The following ASIC2 variants were observed in gnomAD, a reference collection of about 807,000 sequenced individuals.
ASIC2 encodes the protein acid-sensing ion channel 2.
A neutral mutation model predicts 57.3 loss-of-function variants in ASIC2; 25 were observed. The observed-to-expected ratio is 0.44, with a 90% CI of 0.32 to 0.61. The LOEUF is 0.61. Among genes scored for constraint, ASIC2 ranks in the 20% least tolerant of loss-of-function variants. The probability of loss-of-function intolerance (pLI) is 0.06; values close to 1 mark genes in which losing one functional copy is unlikely to be tolerated. For synonymous variants in ASIC2, 319 were observed against 307.5 expected (o/e 1.04, Z -0.39); for missense variants, 641 against 738.1 (o/e 0.87, Z 1.52).
At chr17:33,576,612 C>T (rs898763832) in intron 1 of ASIC2, among the ~76,000 whole-genome samples, 4 of 152,190 alleles carry the variant, frequency 2.6e-5, no homozygotes, top group Non-Finnish European at 4.4e-5. Flanking sequence ...GGAATGATAC[C>T]AGTACCTACC....
intron 1 of ASIC2, among the ~76,000 whole-genome samples, chr17:33,724,090 T>C (rs1002613375): frequency 2.0e-5 from 3 of 152,132 alleles, no homozygotes; most frequent in Admixed American, 2.0e-4. Context: ...GTTCTCATGA[T>C]AGTGAATAAG....
At chr17:33,794,165 G>A (rs184129414) in intron 1 of ASIC2, 1 of 152,312 alleles carries the variant, frequency 6.6e-6, no homozygotes, top group Non-Finnish European at 1.5e-5. Context: ...AAAGTGCAGT[G>A]TCCTGAGTGA....
At chr17:33,032,434 T>C (rs1404913686) in intron 3 of ASIC2, among the ~76,000 whole-genome samples, 1 of 135,692 alleles carries the variant, frequency 7.4e-6, no homozygotes, top group Non-Finnish European at 1.5e-5. Context: ...AGCACTATAA[T>C]ACACTGTTTT....
intron 1 of ASIC2, among the ~76,000 whole-genome samples, chr17:33,307,279 T>TCCTCCTCCTCTTC (rs773713086): frequency 2.3e-4 from 8 of 35,414 alleles, no homozygotes; most frequent in African/African-American, 3.8e-4. Context: ...TCCTCTTCCT[T>TCCTCCTCCTCTTC]CTTCTTCTTC....
intron 1 of ASIC2, among the ~76,000 whole-genome samples, chr17:33,361,466 T>C (rs759383391): frequency 1.2e-4 from 18 of 152,160 alleles, no homozygotes; most frequent in African/African-American, 2.9e-4. Context: ...GTTAGCTCCA[T>C]TGGTACACAG....
chr17:33,967,955 C>T lies in ASIC2; in HGVS notation c.555+188023G>A, dbSNP rs184625504. Among the ~76,000 whole-genome samples, 4 of 152,294 alleles carry T rather than the reference C, an allele frequency of 2.6e-5. No individual in the cohort carries two copies. In the East Asian group the frequency reaches 7.7e-4, roughly 29 times the overall value. On this transcript the variant is annotated intron_variant, in intron 1 of 9. Transcript: ENST00000359872. The stretch of plus-strand genomic sequence containing the variant: ...CGGGGCCTCACATTGTCATTCTGTT[C>T]AGGGCCCTGCAAACTATGTAGCCAG...
intron 1 of ASIC2, among the ~76,000 whole-genome samples, chr17:33,527,319 T>C (rs1914914297): frequency 6.6e-6 from 1 of 152,160 alleles, no homozygotes; most frequent in Non-Finnish European, 1.5e-5. Context: ...AGCTAAAGGC[T>C]TTATGTTCCA....
intron 1 of ASIC2, among the ~76,000 whole-genome samples, chr17:33,537,606 A>G (rs1915273610): frequency 1.3e-5 from 2 of 152,202 alleles, no homozygotes; most frequent in African/African-American, 2.4e-5. Flanking sequence ...CTGATCTTCA[A>G]TATGACATGA....
At chr17:33,281,293 C>T (rs1204025590) in intron 1 of ASIC2, among the ~76,000 whole-genome samples, 1 of 152,104 alleles carries the variant, frequency 6.6e-6, no homozygotes, top group Non-Finnish European at 1.5e-5. Context: ...ATACAGAAGG[C>T]CATTGAAGTC....
intron 1 of ASIC2, among the ~76,000 whole-genome samples, chr17:33,309,022 A>G (rs776131852): frequency 1.3e-5 from 2 of 152,200 alleles, no homozygotes; most frequent in Non-Finnish European, 2.9e-5. Flanking sequence ...CACTGCAACT[A>G]GGGATAATGA....
intron 1 of ASIC2, among the ~76,000 whole-genome samples, chr17:34,126,721 GA>G (rs1309448368): frequency 6.6e-6 from 1 of 152,306 alleles, no homozygotes; most frequent in Non-Finnish European, 1.5e-5. Flanking sequence ...ACAGGCAGGG[GA>G]TGGAGGTGGA....
chr17:33,030,553 T>C (rs1203293381), intron 3 of ASIC2, among the ~76,000 whole-genome samples: 3 of 152,156 alleles, frequency 2.0e-5, no homozygotes, highest in Non-Finnish European at 2.9e-5. Flanking sequence ...AACTCCAGTA[T>C]CATGTTGGAA....
At chr17:33,174,182 G>A (rs1242561589) in intron 1 of ASIC2, among the ~76,000 whole-genome samples, 1 of 152,118 alleles carries the variant, frequency 6.6e-6, no homozygotes, top group African/African-American at 2.4e-5. Flanking sequence ...AGCACTTTGC[G>A]AGGCCAAGGC....
At chr17:33,558,732 T>C (rs541095196) in intron 1 of ASIC2, among the ~76,000 whole-genome samples, 1 of 152,260 alleles carries the variant, frequency 6.6e-6, no homozygotes, top group African/African-American at 2.4e-5. Flanking sequence ...ACTTTGCTTA[T>C]AAACATTGGT....
chr17:33,293,629 T>G (rs12051712), upstream of ASIC2, among the ~76,000 whole-genome samples: 15,492 of 152,180 alleles, frequency 0.1, 883 homozygotes, highest in East Asian at 0.28. Context: ...CTGTGTAGTG[T>G]GGGCATTTGA....
intron 1 of ASIC2, among the ~76,000 whole-genome samples, chr17:34,106,326 T>C (rs1911054058): frequency 6.6e-6 from 1 of 152,154 alleles, no homozygotes; most frequent in Non-Finnish European, 1.5e-5. Flanking sequence ...AGTCAGTATA[T>C]GAAGTATCTT....
intron 1 of ASIC2, among the ~76,000 whole-genome samples, chr17:33,687,119 T>C (rs139694313): frequency 8.3e-4 from 127 of 152,300 alleles, no homozygotes; most frequent in African/African-American, 2.8e-3. Flanking sequence ...ACAAGAGGAA[T>C]GCTTTCTTCA....
intron 1 of ASIC2, among the ~76,000 whole-genome samples, chr17:33,846,213 T>C (rs893065203): frequency 1.3e-5 from 2 of 152,136 alleles, no homozygotes; most frequent in Admixed American, 6.5e-5. Context: ...CCGGGCCAGA[T>C]AGGGAGCAGG....
chr17:33,014,169 T>A, intron 9 of ASIC2, 103 bp from the exon 10 acceptor site: 2 of 856,806 alleles, frequency 2.3e-6, no homozygotes, highest in South Asian at 1.5e-5. Flanking sequence ...GCTCCCCACT[T>A]GTGGGCTGCT....
Sources: gnomAD v4.1 joint callset for allele counts (sites outside exome capture counted in the v4.1 genomes callset) on GRCh38, gnomAD v4.1.1 for gene constraint, MANE v1.5 for transcripts, NCBI Gene and HGNC (gene_info 2026-07-23, HGNC 2026-07-21) for gene names.